ENO4: variants seen among roughly 807,000 people sequenced by gnomAD.
The protein encoded by ENO4 is 2-phospho-D-glycerate hydro-lyase.
A neutral mutation model predicts 63.2 loss-of-function variants in ENO4; 53 were observed. The ratio of observed to expected loss-of-function variants is 0.84; its 90% CI spans 0.67 to 1.05. The LOEUF is 1.05. Among genes scored for constraint, ENO4 ranks in the 50% least tolerant of loss-of-function variants. The pLI is 0.00. For synonymous variants in ENO4, 266 were observed against 283.8 expected (o/e 0.94, Z 0.63); for missense variants, 719 against 772.0 (o/e 0.93, Z 0.81).
chr10:116,900,591 T>C lies in ENO4; in HGVS notation c.1195-10908T>C. The C allele has an allele frequency of 3.3e-6, 5 of 1,531,676 alleles. 1 individual carries two copies. The South Asian group carries it at 4.8e-5, about 15-fold the overall frequency. 94.9% of individuals were successfully genotyped at this position (1,531,676 alleles called of 1,614,324 possible). A position where few individuals can be genotyped will look rare whatever the true frequency, so the allele number is the denominator to read the frequency against. ...ATCTATACACACACACTGAAGCATT[T>C]ATCAGAAACTAACTTGTCTCAGCCA... On this transcript the variant is annotated intron_variant, in intron 10 of 10. Coordinates refer to the ENO4 transcript ENST00000369207.
Position 116,881,690 on chromosome 10 carries a change from C to T in ENO4, c.*21C>T, listed in dbSNP as rs906049951. The T allele has an allele frequency of 2.0e-6, 3 of 1,465,106 alleles. No homozygotes were observed. Among genetic ancestry groups the T allele is most frequent in the African/African-American group, 2.9e-5 (2 of 69,888 alleles). 90.8% of individuals were successfully genotyped at this position (1,465,106 alleles called of 1,614,324 possible). A position where few individuals can be genotyped will look rare whatever the true frequency, so the allele number is the denominator to read the frequency against. ...GATAGGGCTGTACACACCCCAGGTT[C>T]CAGCCACACCATCAGTATTAGTAGA... On this transcript the variant is annotated 3_prime_UTR_variant, in exon 14 of 14. Transcript: ENST00000341276.
chr10:116,877,382 C>T (rs567982362), intron 11 of ENO4, among the ~76,000 whole-genome samples: 1 of 152,200 alleles, frequency 6.6e-6, no homozygotes, highest in African/African-American at 2.4e-5. Flanking sequence ...TAATATATCC[C>T]GACATCAGTC....
downstream of ENO4, chr10:116,886,268 C>T: frequency 1.3e-6 from 2 of 1,541,568 alleles, no homozygotes; most frequent in Non-Finnish European, 1.8e-6. Context: ...TGTCTACAGC[C>T]CTTGCCAATA....
At chr10:116,876,807 C>G (rs568142397) in intron 11 of ENO4, among the ~76,000 whole-genome samples, 1 of 151,928 alleles carries the variant, frequency 6.6e-6, no homozygotes, top group African/African-American at 2.4e-5. Flanking sequence ...AAAAATTGGC[C>G]GGGTGTGGTG....
At chr10:116,887,318 T>C (rs1847196105), downstream of ENO4, among the ~76,000 whole-genome samples, 1 of 152,190 alleles carries the variant, frequency 6.6e-6, no homozygotes, top group African/African-American at 2.4e-5. Context: ...AGGATTTCAT[T>C]ATGGGAACAG....
At chr10:116,892,339 T>C (rs2133305251) in intron 10 of ENO4, among the ~76,000 whole-genome samples, 1 of 152,326 alleles carries the variant, frequency 6.6e-6, no homozygotes, top group Middle Eastern at 3.4e-3. Flanking sequence ...ACACTGACAA[T>C]GCGTGAACTA....
chr10:116,888,136 CAGG>C (rs1847221763), intron 10 of ENO4, among the ~76,000 whole-genome samples: 1 of 152,190 alleles, frequency 6.6e-6, no homozygotes, highest in South Asian at 2.1e-4. Flanking sequence ...CAAAAATAAT[CAGG>C]AGCCTGGGGA....
intron 7 of ENO4, among the ~76,000 whole-genome samples, chr10:116,866,633 G>T (rs1308306018): frequency 6.6e-6 from 1 of 152,010 alleles, no homozygotes; most frequent in African/African-American, 2.4e-5. Flanking sequence ...TGGCAACATA[G>T]CGAGACCTTG....
chr10:116,873,787 T>G, intron 9 of ENO4: 1 of 792,344 alleles, frequency 1.3e-6, no homozygotes, highest in Non-Finnish European at 1.5e-6. Flanking sequence ...GTCTAACAGA[T>G]TATTCCCCTC....
rs1846241072 is a variant in ENO4 at position 116,855,726 on chromosome 10, T to C, written c.269T>C (p.Phe90Ser). Residue 90 changes from phenylalanine to serine, a missense_variant, in exon 2 of 14, where the codon TTC becomes TCC. Phe to Ser is a radical substitution (Grantham distance 155, BLOSUM62 -2). Transcript: ENST00000341276. ...LGLPTLQVDIFCTIQNFPKNV... is the reference protein window; with the variant it reads ...LGLPTLQVDISCTIQNFPKNV... ...CTTCCAACCCTGCAAGTGGACATAT[T>C]CTGCACCATTCAAAACTTTCCCAAG... The C allele has an allele frequency of 1.3e-6, 2 of 1,535,816 alleles. No homozygotes were observed. The highest frequency in any genetic ancestry group is 1.7e-6 in the Non-Finnish European group (2 of 1,146,512).
intron 10 of ENO4, among the ~76,000 whole-genome samples, chr10:116,893,237 GA>G (rs199982355): frequency 1.3e-5 from 2 of 151,662 alleles, no homozygotes. Flanking sequence ...GCGGGGGAAG[GA>G]AAAAAAATGA....
intron 11 of ENO4, 138 bp downstream of exon 11, chr10:116,876,398 T>G: frequency 2.6e-6 from 2 of 760,180 alleles, no homozygotes; most frequent in African/African-American, 1.8e-5. Flanking sequence ...TGTGAGAGAT[T>G]TAGTGCTGGA....
chr10:116,849,945 G>A, intron 1 of ENO4: 2 of 716,268 alleles, frequency 2.8e-6, no homozygotes, highest in Non-Finnish European at 5.0e-6. Context: ...GCAGAAAGGA[G>A]GCAGCTGGAG....
downstream of ENO4, chr10:116,883,830 T>A: frequency 5.6e-6 from 1 of 177,116 alleles, no homozygotes; most frequent in East Asian, 1.7e-4. Flanking sequence ...ACTGTTCAGC[T>A]GCTGAAACTG....
chr10:116,884,263 T>C, downstream of ENO4: 1 of 459,330 alleles, frequency 2.2e-6, no homozygotes, highest in South Asian at 1.5e-5. Flanking sequence ...GTTGACAGTG[T>C]CACCCCAGCC....
At chr10:116,857,387 G>A (rs1846293937) in intron 3 of ENO4, among the ~76,000 whole-genome samples, 1 of 152,120 alleles carries the variant, frequency 6.6e-6, no homozygotes. Flanking sequence ...CCACAACTAA[G>A]TCTCCCATGC....
At chr10:116,902,581 T>C (rs766375953) in intron 10 of ENO4, among the ~76,000 whole-genome samples, 2 of 152,180 alleles carry the variant, frequency 1.3e-5, no homozygotes, top group Non-Finnish European at 2.9e-5. Context: ...ATAATAAAAC[T>C]TGTTACTGGA....
intron 4 of ENO4, among the ~76,000 whole-genome samples, chr10:116,860,041 T>C (rs959261504): frequency 3.9e-5 from 6 of 152,204 alleles, no homozygotes; most frequent in Non-Finnish European, 5.9e-5. Context: ...TTTTGACTAA[T>C]AGAATGTGGA....
intron 7 of ENO4, among the ~76,000 whole-genome samples, chr10:116,864,107 G>C (rs1283409754): frequency 1.3e-5 from 2 of 152,296 alleles, no homozygotes; most frequent in East Asian, 3.9e-4. Flanking sequence ...GCCATACCTG[G>C]TGTTGGTTCT....
Sources: allele counts gnomAD v4.1 joint callset (sites outside exome capture counted in the v4.1 genomes callset), GRCh38; gene constraint gnomAD v4.1.1; transcripts MANE v1.5; gene names NCBI Gene and HGNC (gene_info 2026-07-23, HGNC 2026-07-21).